The following POLB variants were observed in gnomAD, a reference collection of about 807,000 sequenced individuals.
POLB encodes the protein DNA polymerase beta.
Under a neutral mutation model 52.7 loss-of-function variants are expected in POLB, and 37 were observed. The observed-to-expected ratio is 0.70, with a 90% CI of 0.54 to 0.92. The LOEUF (loss-of-function observed/expected upper bound fraction) is 0.92, where lower values mean the gene tolerates loss of function less well. Among genes scored for constraint, POLB ranks in the 40% least tolerant of loss-of-function variants. The pLI, the probability that POLB is intolerant of heterozygous loss-of-function variation, is 0.00. For missense variants in POLB, 313 were observed against 400.8 expected, an observed-to-expected ratio of 0.78 and a Z score of 1.87; for synonymous variants, 138 against 131.3, an observed-to-expected ratio of 1.05 and a Z score of -0.35.
rs1554538274 is a variant in POLB at position 42,371,595 on chromosome 8, G to A, written c.946G>A (p.Glu316Lys). 2 of 1,613,130 alleles carry A rather than the reference G, an allele frequency of 1.2e-6. No homozygotes were observed. Among genetic ancestry groups the A allele is most frequent in the African/African-American group, 1.3e-5 (1 of 74,994 alleles). ...VAGEPLPVDS[E>K]KDIFDYIQWK... ...AGGAGAACCCCTGCCAGTGGATAGTGAAAAAGACATCTTTGATTACATCCA... is the reference window on the plus strand; with the variant it reads ...AGGAGAACCCCTGCCAGTGGATAGTAAAAAAGACATCTTTGATTACATCCA... Residue 316 changes from glutamate to lysine, a missense_variant, in exon 14 of 14, where the codon GAA (glutamate) becomes AAA (lysine). Physicochemically the swap from Glu to Lys is moderately conservative, Grantham distance 56. Coordinates refer to ENST00000265421, the MANE Select transcript of POLB (RefSeq NM_002690.3).
intron 12 of POLB, 50 bp downstream of exon 12, chr8:42,369,385 C>T (rs767295365): frequency 2.7e-5 from 28 of 1,032,180 alleles, no homozygotes; most frequent in Non-Finnish European, 3.8e-5. Context: ...AAACTTGTCT[C>T]GTTTTCTCCC....
At chr8:42,369,200 T>A (rs2130860989) in intron 11 of POLB, 71 bp from the exon 12 acceptor site, 1 of 901,024 alleles carries the variant, frequency 1.1e-6, no homozygotes, top group East Asian at 2.4e-5. Flanking sequence ...AATGGCCTTG[T>A]GTTTTACTTG....
intron 8 of POLB, 39 bp downstream of exon 8, chr8:42,357,262 G>C (rs770529994): frequency 2.1e-6 from 3 of 1,431,832 alleles, no homozygotes; most frequent in Non-Finnish European, 3.0e-6. Context: ...TTAGAATTGA[G>C]AGTGTCACTT....
chr8:42,371,177 G>A (rs1003258237), intron 13 of POLB, among the ~76,000 whole-genome samples: 1 of 152,166 alleles, frequency 6.6e-6, no homozygotes, highest in Non-Finnish European at 1.5e-5. Flanking sequence ...AGGCTGGAGT[G>A]CAATGGCACA....
chr8:42,363,386 G>A (rs1368493714), intron 11 of POLB, among the ~76,000 whole-genome samples: 2 of 151,494 alleles, frequency 1.3e-5, no homozygotes, highest in African/African-American at 4.9e-5. Flanking sequence ...AAATTAGCTG[G>A]GCGTGGTGGT....
At chr8:42,344,810 TCAAAAAAAA>T in intron 2 of POLB, 134 bp from the exon 3 acceptor site, 1 of 580,108 alleles carries the variant, frequency 1.7e-6, no homozygotes, top group Non-Finnish European at 3.0e-6. Context: ...GGAGACTGTC[TCAAAAAAAA>T]CAAAAAAAAA....
At chr8:42,343,857 C>T (rs189444662) in intron 2 of POLB, among the ~76,000 whole-genome samples, 2 of 152,240 alleles carry the variant, frequency 1.3e-5, no homozygotes, top group African/African-American at 2.4e-5. Flanking sequence ...GTAGGCCAGG[C>T]GTGGTGGCTC....
At chr8:42,348,889 G>A in intron 3 of POLB, 127 bp from the exon 4 acceptor site, 1 of 529,102 alleles carries the variant, frequency 1.9e-6, no homozygotes, top group South Asian at 3.0e-5. Context: ...AATTTTCTGT[G>A]TCCTTTATTT....
chr8:42,361,324 C>G lies in POLB; in HGVS notation c.580C>G (p.Leu194Val). The G allele has an allele frequency of 6.2e-7, 1 of 1,612,758 alleles. No homozygotes were observed. The highest frequency in any genetic ancestry group is 1.3e-5 in the African/African-American group (1 of 75,008). ...GAESSGDMDV[L>V]LTHPSFTSES... is the part of the protein sequence containing the mutation. ...AGAGTCCAGTGGTGACATGGATGTT[C>G]TCCTGACCCATCCCAGCTTCACTTC... Residue 194 changes from leucine (L) to valine (V), a missense_variant, in exon 10 of 14, where the codon CTC (leucine) becomes GTC (valine). Transcript: ENST00000265421.
intron 6 of POLB, 42 bp downstream of exon 6, chr8:42,352,610 T>C: frequency 8.5e-7 from 1 of 1,178,600 alleles, no homozygotes; most frequent in Non-Finnish European, 1.3e-6. Flanking sequence ...TTAAATATGG[T>C]CCTGAAGGAC....
At chr8:42,343,603 A>G (rs1185999381) in intron 2 of POLB, among the ~76,000 whole-genome samples, 1 of 125,024 alleles carries the variant, frequency 8.0e-6, no homozygotes, top group Non-Finnish European at 1.8e-5. Flanking sequence ...GTTATGAACA[A>G]TTTCTAAAAA....
chr8:42,354,389 A>G, intron 6 of POLB: 2 of 1,023,574 alleles, frequency 2.0e-6, no homozygotes, highest in Non-Finnish European at 2.7e-6. Flanking sequence ...CTTTTGAAGC[A>G]TGCTTATCTT....
intron 11 of POLB, among the ~76,000 whole-genome samples, chr8:42,367,665 T>G (rs3136791): frequency 0.038 from 5,855 of 152,266 alleles, 131 homozygotes; most frequent in African/African-American, 0.051. Flanking sequence ...TCAAGTTATA[T>G]TCAAGACACA....
intron 11 of POLB, among the ~76,000 whole-genome samples, chr8:42,366,645 A>G (rs1274058702): frequency 1.3e-5 from 2 of 152,208 alleles, no homozygotes; most frequent in African/African-American, 4.8e-5. Flanking sequence ...AGAGACAGGT[A>G]AGAGGTGGTT....
At position 42,338,508 on chromosome 8, in the gene POLB, C is replaced by T; in HGVS notation, c.-117C>T. ...CGGGGGCAACCATTGTTCCGCCGGT[C>T]GCGCCGGAGCTGGGTTGCTCCTGCT... On this transcript the variant is annotated 5_prime_UTR_variant, in exon 1 of 14. Coordinates refer to ENST00000265421, the MANE Select transcript of POLB (RefSeq NM_002690.3). 2 of 867,974 alleles carry T rather than the reference C, an allele frequency of 2.3e-6. No homozygotes were observed. The highest frequency in any genetic ancestry group is 3.9e-6 in the Non-Finnish European group (2 of 519,106). The allele number at this position is 867,974 out of a possible 1,614,324, so 53.8% of individuals were successfully genotyped here.
intron 12 of POLB, 51 bp from the exon 13 acceptor site, chr8:42,369,798 T>A (rs777442925): frequency 7.4e-7 from 1 of 1,351,520 alleles, no homozygotes; most frequent in Non-Finnish European, 1.0e-6. Context: ...CTATATTTGC[T>A]AAACTTGAAA....
intron 6 of POLB, among the ~76,000 whole-genome samples, chr8:42,354,829 A>G (rs1823199971): frequency 6.6e-6 from 1 of 152,068 alleles, no homozygotes; most frequent in Admixed American, 6.6e-5. Flanking sequence ...GTCATGAGCC[A>G]CTGTGCCCGG....
intron 2 of POLB, chr8:42,342,484 A>G: frequency 9.4e-7 from 1 of 1,060,902 alleles, no homozygotes; most frequent in Non-Finnish European, 1.4e-6. Context: ...ATGAACTATC[A>G]TCCTCTATTT....
At position 42,345,041 on chromosome 8, in the gene POLB, A is replaced by G. The variant is rs766286109; in HGVS notation, c.186+22A>G. 7.1e-6 allele frequency: 11 copies of G among 1,557,646 alleles called. 1 individual carries two copies. The South Asian group carries it at 1.0e-4, about 14-fold the overall frequency. On this transcript the variant is annotated intron_variant, in intron 3 of 13. Coordinates refer to ENST00000265421, the MANE Select transcript of POLB (RefSeq NM_002690.3). ...ATTGGTAAGTTTAGTTAGCATGTTGATCGAAGAGTTCACACGTGTCCAAAT... is the reference window on the plus strand; with the variant it reads ...ATTGGTAAGTTTAGTTAGCATGTTGGTCGAAGAGTTCACACGTGTCCAAAT...
Sources: allele counts gnomAD v4.1 joint callset (sites outside exome capture counted in the v4.1 genomes callset), GRCh38; gene constraint gnomAD v4.1.1; transcripts MANE v1.5; gene names NCBI Gene and HGNC (gene_info 2026-07-23, HGNC 2026-07-21).